The following KIAA0825 variants were observed in gnomAD, a reference collection of about 807,000 sequenced individuals.
The protein encoded by KIAA0825 is KIAA0825.
Under a neutral mutation model 147.6 loss-of-function variants are expected in KIAA0825, and 119 were observed. The ratio of observed to expected loss-of-function variants is 0.81; its 90% CI spans 0.69 to 0.94. The LOEUF (loss-of-function observed/expected upper bound fraction) is 0.94, where lower values mean the gene tolerates loss of function less well. KIAA0825 is among the 40% of genes least tolerant of loss of function. KIAA0825 has a pLI of 0.00. For synonymous variants in KIAA0825, 470 were observed against 518.1 expected, an observed-to-expected ratio of 0.91 and a Z score of 1.26; for missense variants, 1,381 against 1,472.7, an observed-to-expected ratio of 0.94 and a Z score of 1.02.
intron 20 of KIAA0825, among the ~76,000 whole-genome samples, chr5:94,265,037 C>T (rs1776678662): frequency 1.3e-5 from 2 of 152,142 alleles, no homozygotes; most frequent in South Asian, 4.1e-4. Flanking sequence ...CCCGCCTTGG[C>T]CTCCCAAAGT....
intron 5 of KIAA0825, among the ~76,000 whole-genome samples, chr5:94,488,206 T>C (rs1319810919): frequency 1.3e-5 from 2 of 152,196 alleles, no homozygotes; most frequent in East Asian, 1.9e-4. Context: ...GAAAACTTTT[T>C]GGATACAATC....
At chr5:94,480,051 T>C (rs1762324863) in intron 6 of KIAA0825, among the ~76,000 whole-genome samples, 1 of 152,112 alleles carries the variant, frequency 6.6e-6, no homozygotes, top group African/African-American at 2.4e-5. Flanking sequence ...TCATCCTCTT[T>C]CTGATCATGC....
At chr5:94,378,474 A>G (rs1747900052) in intron 20 of KIAA0825, among the ~76,000 whole-genome samples, 1 of 152,200 alleles carries the variant, frequency 6.6e-6, no homozygotes, top group African/African-American at 2.4e-5. Context: ...TGTAGTGTAT[A>G]TATGTCACAT....
intron 20 of KIAA0825, among the ~76,000 whole-genome samples, chr5:94,303,012 C>A (rs1160592720): frequency 6.6e-6 from 1 of 151,918 alleles, no homozygotes; most frequent in Non-Finnish European, 1.5e-5. Context: ...AGCACTTCAA[C>A]ACTAGACACA....
At chr5:94,400,187 C>T (rs1584380936) in intron 16 of KIAA0825, among the ~76,000 whole-genome samples, 2 of 152,066 alleles carry the variant, frequency 1.3e-5, no homozygotes, top group African/African-American at 4.8e-5. Flanking sequence ...TATCCATCAT[C>T]TGTGATGTAA....
At chr5:94,377,823 A>AAT (rs1440710480) in intron 20 of KIAA0825, among the ~76,000 whole-genome samples, 1 of 152,146 alleles carries the variant, frequency 6.6e-6, no homozygotes. Flanking sequence ...AATCCCTCAA[A>AAT]ATAATCACTC....
intron 20 of KIAA0825, among the ~76,000 whole-genome samples, chr5:94,273,367 T>A (rs1777079481): frequency 6.6e-6 from 1 of 152,170 alleles, no homozygotes; most frequent in Admixed American, 6.5e-5. Flanking sequence ...CTTAACAGTA[T>A]CCTACAAATA....
At position 94,520,877 on chromosome 5, in the gene KIAA0825, G is replaced by A. The variant is rs766044682; in HGVS notation, c.341C>T (p.Thr114Ile). 2.8e-5 allele frequency: 45 copies of A among 1,608,258 alleles called. No homozygotes were observed. The South Asian group carries it at 4.5e-4, about 16-fold the overall frequency. Reference sequence around the variant, plus strand: ...GGAGAGGTCCCAAAGTAAATCCAATGTCATTTCTTCTTGATTTTGTTCATT... The same window carrying A: ...GGAGAGGTCCCAAAGTAAATCCAATATCATTTCTTCTTGATTTTGTTCATT... ...LKNEQNQEEM[T>I]LDLLWDLSCH... Residue 114 changes from threonine to isoleucine, a missense_variant, in exon 5 of 21, where the codon ACA (threonine) becomes ATA (isoleucine). Physicochemically the swap from Thr to Ile is moderately conservative, Grantham distance 89. Coordinates refer to ENST00000682413, the MANE Select transcript of KIAA0825 (RefSeq NM_001145678.3).
At chr5:94,441,080 G>A (rs1757018587) in intron 13 of KIAA0825, among the ~76,000 whole-genome samples, 1 of 151,956 alleles carries the variant, frequency 6.6e-6, no homozygotes, top group Non-Finnish European at 1.5e-5. Context: ...CAGAGAAAGG[G>A]GTATCACTGA....
intron 1 of KIAA0825, among the ~76,000 whole-genome samples, chr5:94,605,199 C>G (rs1251465652): frequency 1.3e-5 from 2 of 152,118 alleles, no homozygotes; most frequent in East Asian, 3.8e-4. Flanking sequence ...CATACATCCT[C>G]TCATGACTGA....
intron 20 of KIAA0825, among the ~76,000 whole-genome samples, chr5:94,158,926 T>C (rs1411671062): frequency 6.6e-6 from 1 of 152,234 alleles, no homozygotes; most frequent in Non-Finnish European, 1.5e-5. Flanking sequence ...ATGATTATTA[T>C]TATTTGGCAT....
intron 2 of KIAA0825, among the ~76,000 whole-genome samples, chr5:94,549,276 TTAA>T (rs1247502547): frequency 1.3e-5 from 2 of 152,046 alleles, no homozygotes; most frequent in Admixed American, 6.5e-5. Context: ...AAACAAGAAA[TTAA>T]TAATAAGAGG....
chr5:94,289,749 A>C (rs1777807820), intron 20 of KIAA0825, among the ~76,000 whole-genome samples: 1 of 151,504 alleles, frequency 6.6e-6, no homozygotes, highest in Non-Finnish European at 1.5e-5. Context: ...TTTTGTTGAA[A>C]AATATTCAGG....
intron 20 of KIAA0825, among the ~76,000 whole-genome samples, chr5:94,318,228 C>T (rs756481163): frequency 6.6e-6 from 1 of 151,434 alleles, no homozygotes; most frequent in Non-Finnish European, 1.5e-5. Context: ...AATATAGACT[C>T]ATTAGTAGTT....
intron 3 of KIAA0825, among the ~76,000 whole-genome samples, chr5:94,531,086 G>A (rs547472823): frequency 6.6e-6 from 1 of 152,088 alleles, no homozygotes; most frequent in Non-Finnish European, 1.5e-5. Flanking sequence ...TTGGCCAAGA[G>A]TAGGTGAAGC....
intron 5 of KIAA0825, among the ~76,000 whole-genome samples, chr5:94,502,837 G>C (rs771936754): frequency 6.6e-6 from 1 of 151,882 alleles, no homozygotes; most frequent in Non-Finnish European, 1.5e-5. Context: ...AGCTGGGCAC[G>C]GTGGCTCACG....
At chr5:94,450,568 C>G (rs930518411) in intron 13 of KIAA0825, among the ~76,000 whole-genome samples, 1 of 151,848 alleles carries the variant, frequency 6.6e-6, no homozygotes, top group African/African-American at 2.4e-5. Flanking sequence ...AGAAGAAGGG[C>G]AAGATAAAAT....
intron 2 of KIAA0825, among the ~76,000 whole-genome samples, chr5:94,541,950 T>C (rs1368101221): frequency 1.3e-5 from 2 of 152,232 alleles, no homozygotes; most frequent in Non-Finnish European, 2.9e-5. Context: ...AATGACTTAG[T>C]GTATGTTATT....
chr5:94,267,192 C>G (rs114203873), intron 20 of KIAA0825, among the ~76,000 whole-genome samples: 16 of 152,206 alleles, frequency 1.1e-4, no homozygotes, highest in African/African-American at 3.9e-4. Flanking sequence ...AACCGAAGCT[C>G]AGTTACAAAA....
Sources: allele counts gnomAD v4.1 joint callset (sites outside exome capture counted in the v4.1 genomes callset), GRCh38; gene constraint gnomAD v4.1.1; transcripts MANE v1.5; gene names NCBI Gene and HGNC (gene_info 2026-07-23, HGNC 2026-07-21).